Variants in PATJ observed in about 807,000 individuals in gnomAD.
PATJ encodes the protein PATJ crumbs cell polarity complex component, also known as inaD-like protein.
A neutral mutation model predicts 224.9 loss-of-function variants in PATJ; 190 were observed. That is an observed-to-expected ratio of 0.84 (90% confidence interval 0.75 to 0.95). The LOEUF (loss-of-function observed/expected upper bound fraction) is 0.95. Among genes scored for constraint, PATJ ranks in the 40% least tolerant of loss-of-function variants. PATJ has a pLI of 0.00. For missense variants in PATJ, 2,121 were observed against 2,270.3 expected, an observed-to-expected ratio of 0.93 and a Z score of 1.34; for synonymous variants, 769 against 820.3, an observed-to-expected ratio of 0.94 and a Z score of 1.07.
At chr1:61,796,684 TTCTTTCTTTCTTTC>T (rs1651234373) in intron 10 of PATJ, among the ~76,000 whole-genome samples, 1 of 28,140 alleles carries the variant, frequency 3.6e-5, no homozygotes, top group Non-Finnish European at 9.1e-5. Context: ...CTTTCTTTCT[TTCTTTCTTTCTTTC>T]TTTCTTTCTT....
At chr1:61,906,716 G>C (rs909289096) in intron 24 of PATJ, among the ~76,000 whole-genome samples, 1 of 152,098 alleles carries the variant, frequency 6.6e-6, no homozygotes, top group Admixed American at 6.5e-5. Flanking sequence ...TCACACCCTA[G>C]TTAAGTGCAG....
chr1:62,067,827 G>T (rs77412533), intron 31 of PATJ, among the ~76,000 whole-genome samples: 5,570 of 152,200 alleles, frequency 0.037, 324 homozygotes, highest in African/African-American at 0.13. Context: ...TTGAGATGGG[G>T]TCTCACTCTA....
At chr1:62,051,102 T>C (rs1360364426) in intron 31 of PATJ, 44 bp downstream of exon 31, 2 of 1,384,366 alleles carry the variant, frequency 1.4e-6, no homozygotes, top group Non-Finnish European at 2.0e-6. Context: ...TGTTTAGGGA[T>C]GTATCACTTA....
At chr1:61,819,099 G>C (rs1265699302) in intron 14 of PATJ, among the ~76,000 whole-genome samples, 3 of 152,156 alleles carry the variant, frequency 2.0e-5, no homozygotes, top group Admixed American at 1.3e-4. Context: ...CCATCCCCCA[G>C]TAGGCTTTTT....
At chr1:62,049,351 C>T (rs1033083524) in intron 30 of PATJ, among the ~76,000 whole-genome samples, 7 of 151,786 alleles carry the variant, frequency 4.6e-5, no homozygotes, top group African/African-American at 1.7e-4. Flanking sequence ...ATTCCTTTCT[C>T]CCTGACATTA....
intron 14 of PATJ, among the ~76,000 whole-genome samples, chr1:61,818,175 C>T (rs1231823189): frequency 6.6e-6 from 1 of 152,244 alleles, no homozygotes; most frequent in Non-Finnish European, 1.5e-5. Flanking sequence ...CAGAAGGCCT[C>T]AAGCCTTCTT....
At chr1:61,938,165 A>G (rs939631807) in intron 27 of PATJ, among the ~76,000 whole-genome samples, 1 of 152,078 alleles carries the variant, frequency 6.6e-6, no homozygotes, top group African/African-American at 2.4e-5. Context: ...GTACCCTCCC[A>G]CTCACCACAG....
At chr1:61,955,723 A>G (rs561781486) in intron 27 of PATJ, among the ~76,000 whole-genome samples, 2 of 152,340 alleles carry the variant, frequency 1.3e-5, no homozygotes, top group East Asian at 1.9e-4. Context: ...TCTTCAACAC[A>G]TATAATGTTA....
Position 61,823,094 on chromosome 1 carries a change from GA to G in PATJ, c.1818+18del. ...AGCTGCTTGAGGTAAAATTTATGGG[GA>G]AAGAAAGACACAGGCAAGAATCTGT... On this transcript the variant is annotated intron_variant, in intron 15 of 43. Transcript: ENST00000642238. The G allele has an allele frequency of 3.7e-6, 6 of 1,613,518 alleles. No homozygotes were observed. Among genetic ancestry groups the G allele is most frequent in the Non-Finnish European group, 5.1e-6 (6 of 1,179,670 alleles).
At chr1:61,919,318 C>CT (rs71050182) in intron 26 of PATJ, among the ~76,000 whole-genome samples, 25,058 of 146,622 alleles carry the variant, frequency 0.17, 2,420 homozygotes, top group Non-Finnish European at 0.23. Flanking sequence ...CTTTCTTTTT[C>CT]TTTTTTTTTT....
At chr1:61,873,416 A>G (rs935369197) in intron 20 of PATJ, among the ~76,000 whole-genome samples, 1 of 152,088 alleles carries the variant, frequency 6.6e-6, no homozygotes, top group African/African-American at 2.4e-5. Flanking sequence ...TGATCTACAC[A>G]TTTTGGCCTC....
chr1:61,759,109 G>T lies in PATJ; in HGVS notation c.-35-3749G>T, dbSNP rs1363512774. On this transcript the variant is annotated intron_variant, in intron 1 of 43. Coordinates refer to ENST00000642238, the MANE Select transcript of PATJ (RefSeq NM_001350145.3). The stretch of plus-strand genomic sequence containing the variant: ...TGTTTGCTAGGAAGTCAGCTGTCAT[G>T]CAGGGAATCCCCCAAGCTTGTCCAA... Among the ~76,000 whole-genome samples, 8 of 152,220 alleles carry T rather than the reference G, an allele frequency of 5.3e-5. No individual in the cohort carries two copies. The East Asian group carries it at 1.5e-3, about 29-fold the overall frequency.
chr1:61,752,818 TTA>T (rs1034551668), intron 1 of PATJ, among the ~76,000 whole-genome samples: 1 of 149,292 alleles, frequency 6.7e-6, no homozygotes, highest in African/African-American at 2.6e-5. Flanking sequence ...GTTCTGGAAT[TTA>T]TATATGTTTC....
intron 11 of PATJ, among the ~76,000 whole-genome samples, chr1:61,798,174 C>T (rs1342548000): frequency 6.6e-6 from 1 of 151,942 alleles, no homozygotes; most frequent in Non-Finnish European, 1.5e-5. Context: ...TTGAAGTATA[C>T]TGAGAGAAAA....
At position 61,788,082 on chromosome 1, in the gene PATJ, C is replaced by T. The variant is rs180766530; in HGVS notation, c.1068+110C>T. The stretch of plus-strand genomic sequence containing the variant: ...ACCACATTGGTGTGAGTTGTGCGCT[C>T]ACTAGTGAAACAGGAAAAAAAAAAC... On this transcript the variant is annotated intron_variant, in intron 8 of 43. Coordinates refer to ENST00000642238, the MANE Select transcript of PATJ (RefSeq NM_001350145.3). 4.0e-6 allele frequency: 3 copies of T among 750,246 alleles called. No individual in the cohort carries two copies. The East Asian group carries it at 8.3e-5, about 21-fold the overall frequency. 46.5% of individuals were successfully genotyped at this position (750,246 alleles called of 1,614,324 possible).
intron 30 of PATJ, among the ~76,000 whole-genome samples, chr1:62,043,863 G>A (rs964681601): frequency 2.0e-5 from 3 of 151,950 alleles, no homozygotes; most frequent in Non-Finnish European, 4.4e-5. Context: ...GAGCAGCTAG[G>A]ACTATAGGCA....
chr1:62,015,628 G>T (rs973942073), intron 28 of PATJ, among the ~76,000 whole-genome samples: 4 of 151,906 alleles, frequency 2.6e-5, no homozygotes, highest in Non-Finnish European at 5.9e-5. Context: ...TGCCTCCCAG[G>T]TTCAAGCTAT....
chr1:62,094,162 A>G (rs1197583162), intron 33 of PATJ, among the ~76,000 whole-genome samples: 1 of 152,160 alleles, frequency 6.6e-6, no homozygotes, highest in African/African-American at 2.4e-5. Context: ...TGGGAGGCCA[A>G]GACAGGATGA....
Position 61,795,447 on chromosome 1 carries a change from G to A in PATJ, c.1169-20G>A, listed in dbSNP as rs377655630. ...TAATTAGAATTTTCTTCCTTTTTCC[G>A]TATGTCTGTGCACCTTAAGGGGAAG... On this transcript the variant is annotated intron_variant, in intron 9 of 43. Transcript: ENST00000642238. 4.9e-5 allele frequency: 72 copies of A among 1,456,892 alleles called. No individual in the cohort carries two copies. Among genetic ancestry groups the A allele is most frequent in the Admixed American group, 2.2e-4 (11 of 48,956 alleles). The allele number at this position is 1,456,892 out of a possible 1,614,324, so 90.2% of individuals were successfully genotyped here. A position where few individuals can be genotyped will look rare whatever the true frequency, so the allele number is the denominator to read the frequency against.
Sources: gnomAD v4.1 joint callset for allele counts (sites outside exome capture counted in the v4.1 genomes callset) on GRCh38, gnomAD v4.1.1 for gene constraint, MANE v1.5 for transcripts, NCBI Gene and HGNC (gene_info 2026-07-23, HGNC 2026-07-21) for gene names.